The following FBXL13 variants were observed in gnomAD, a reference collection of about 807,000 sequenced individuals.
FBXL13 encodes the protein F-box and leucine rich repeat protein 13, also known as F-box and leucine-rich repeat protein 13.
A neutral mutation model predicts 83.6 loss-of-function variants in FBXL13; 67 were observed. The observed-to-expected ratio is 0.80, with a 90% CI of 0.66 to 0.98. FBXL13 has a LOEUF of 0.98. Ranked by LOEUF, FBXL13 falls within the 50% of genes least tolerant of loss-of-function variation. The probability of loss-of-function intolerance (pLI) is 0.00; values close to 1 mark genes in which losing one functional copy is unlikely to be tolerated. For synonymous variants in FBXL13, 272 were observed against 299.5 expected (o/e 0.91, Z 0.95); for missense variants, 822 against 866.5 (o/e 0.95, Z 0.64).
chr7:102,931,206 C>A (rs949507417), intron 9 of FBXL13, among the ~76,000 whole-genome samples: 1 of 152,088 alleles, frequency 6.6e-6, no homozygotes, highest in East Asian at 1.9e-4. Flanking sequence ...TTGGAGCATG[C>A]AGGAAAAGGA....
In FBXL13 at chr7:102,834,067, AGG is replaced by A. The variant is rs1584505503; in HGVS notation, c.1720-1095_1720-1094del. On this transcript the variant is annotated intron_variant, in intron 17 of 19. Transcript: ENST00000313221. ...AAGGAAGGAAGGAAGGAAGGAAGGA[AGG>A]AAGGAAGGAAGGAAAGAAAAGAAAG... is the stretch of plus-strand genomic sequence containing the variant. Among the ~76,000 whole-genome samples the A allele has an allele frequency of 7.1e-4, 85 of 119,336 alleles. No homozygotes were observed. In the East Asian group the frequency reaches 0.012, roughly 16 times the overall value. The allele number at this position is 119,336 out of a possible 152,430, so 78.3% of individuals were successfully genotyped here.
chr7:102,872,650 C>G (rs1297280896), intron 16 of FBXL13, among the ~76,000 whole-genome samples: 1 of 152,146 alleles, frequency 6.6e-6, no homozygotes, highest in East Asian at 1.9e-4. Flanking sequence ...AATTAACTAG[C>G]AGGAAATATT....
Position 102,913,119 on chromosome 7 carries a change from CT to C in FBXL13, c.974del (p.Lys325SerfsTer39), listed in dbSNP as rs1367583649. On this transcript the variant is annotated frameshift_variant, in exon 11 of 20. Transcript: ENST00000313221. LOFTEE classifies it high-confidence loss of function. ...AGCCAGAGAGGTCCAGATAGATGAG[CT>C]TGTGGCATCCATTCCCCAAGTTCAG... 1 of 1,614,070 alleles carries C rather than the reference CT, an allele frequency of 6.2e-7. No individual in the cohort carries two copies. The highest frequency in any genetic ancestry group is 8.5e-7 in the Non-Finnish European group (1 of 1,180,040).
chr7:102,944,086 G>T (rs1821984060), intron 8 of FBXL13: 4 of 751,302 alleles, frequency 5.3e-6, no homozygotes, highest in Non-Finnish European at 8.2e-6. Context: ...GAAAGGAAAA[G>T]AAATCTCTTT....
chr7:102,935,741 A>G (rs555625048), intron 8 of FBXL13, among the ~76,000 whole-genome samples: 1 of 152,286 alleles, frequency 6.6e-6, no homozygotes, highest in African/African-American at 2.4e-5. Flanking sequence ...AACAATGTCT[A>G]TATGTTTCAT....
rs376587492 is a variant in FBXL13, at chr7:102,819,534, T to C, written c.2018+2506A>G. Among the ~76,000 whole-genome samples the C allele has an allele frequency of 6.2e-4, 95 of 152,284 alleles. 2 individuals are homozygous for C. The highest frequency in any genetic ancestry group is 2.2e-4 in the Non-Finnish European group (15 of 68,006). Reference sequence around the variant, plus strand: ...GCTGGTGCAGTAGTTTCAGATTCCATTGAGTATGAGTGAATTTATGTATAA... The same window carrying C: ...GCTGGTGCAGTAGTTTCAGATTCCACTGAGTATGAGTGAATTTATGTATAA... On this transcript the variant is annotated intron_variant, in intron 19 of 19. Transcript: ENST00000313221.
At chr7:103,016,320 G>A (rs540162228) in intron 6 of FBXL13, among the ~76,000 whole-genome samples, 1 of 150,416 alleles carries the variant, frequency 6.6e-6, no homozygotes, top group Non-Finnish European at 1.5e-5. Context: ...AGAAATGTGG[G>A]GGGGGTGGGG....
At chr7:102,907,041 T>C (rs551058361) in intron 11 of FBXL13, among the ~76,000 whole-genome samples, 7 of 152,174 alleles carry the variant, frequency 4.6e-5, no homozygotes, top group South Asian at 2.1e-4. Context: ...GGCACAAACT[T>C]GGCTCACTGC....
chr7:103,053,161 G>GT (rs1797001009), intron 2 of FBXL13, among the ~76,000 whole-genome samples: 1 of 151,316 alleles, frequency 6.6e-6, no homozygotes. Flanking sequence ...GTTTTGTTTT[G>GT]TTTTTTGAGA....
chr7:102,946,403 C>A (rs767979541), intron 8 of FBXL13, among the ~76,000 whole-genome samples: 1 of 152,206 alleles, frequency 6.6e-6, no homozygotes, highest in Non-Finnish European at 1.5e-5. Context: ...TGCAGAGCTG[C>A]ACAGCATTGT....
chr7:102,904,107 G>C (rs1411439641), intron 11 of FBXL13, among the ~76,000 whole-genome samples: 2 of 151,840 alleles, frequency 1.3e-5, no homozygotes, highest in African/African-American at 2.4e-5. Context: ...GAATTCAGCA[G>C]TGAAACCATC....
chr7:102,859,627 A>G (rs1370785009), intron 16 of FBXL13, among the ~76,000 whole-genome samples: 1 of 151,954 alleles, frequency 6.6e-6, no homozygotes, highest in Non-Finnish European at 1.5e-5. Flanking sequence ...CAGGCCAAAA[A>G]TGAGGAGGCA....
intron 6 of FBXL13, among the ~76,000 whole-genome samples, chr7:103,021,066 T>G (rs1327307873): frequency 1.3e-5 from 2 of 152,166 alleles, no homozygotes; most frequent in African/African-American, 2.4e-5. Flanking sequence ...GGCATCATGC[T>G]ACCTGACTTC....
intron 11 of FBXL13, among the ~76,000 whole-genome samples, chr7:102,897,713 A>G (rs1266532006): frequency 1.3e-5 from 2 of 152,212 alleles, no homozygotes; most frequent in Non-Finnish European, 2.9e-5. Context: ...GAGGAAACAC[A>G]GTATTTTTAA....
At chr7:103,034,724 C>T (rs1027929040) in intron 2 of FBXL13, among the ~76,000 whole-genome samples, 1 of 152,246 alleles carries the variant, frequency 6.6e-6, no homozygotes, top group Non-Finnish European at 1.5e-5. Flanking sequence ...GCGCCGAGAG[C>T]GAACGAGGGC....
intron 16 of FBXL13, among the ~76,000 whole-genome samples, chr7:102,856,735 G>C (rs1444275534): frequency 6.6e-6 from 1 of 152,058 alleles, no homozygotes; most frequent in Non-Finnish European, 1.5e-5. Flanking sequence ...TTAAAATACA[G>C]ATAATAAAAT....
intron 14 of FBXL13, among the ~76,000 whole-genome samples, chr7:102,883,014 C>T (rs1389225674): frequency 4.6e-5 from 7 of 151,926 alleles, no homozygotes; most frequent in Non-Finnish European, 8.8e-5. Flanking sequence ...ACTGAACTAG[C>T]TATGGAAACC....
At chr7:102,939,592 T>C (rs1447788406) in intron 8 of FBXL13, 1 of 1,612,068 alleles carries the variant, frequency 6.2e-7, no homozygotes, top group East Asian at 2.2e-5. Context: ...CCTGGTAAGT[T>C]CCCCTGTATA....
intron 17 of FBXL13, among the ~76,000 whole-genome samples, chr7:102,851,223 GAATCTTTTGACCTGGA>G (rs1035761234): frequency 6.6e-6 from 1 of 152,128 alleles, no homozygotes; most frequent in African/African-American, 2.4e-5. Context: ...GAGGTCTAGA[GAATCTTTTGACCTGGA>G]ATCCTCTACA....
Sources: gnomAD v4.1 joint callset for allele counts (sites outside exome capture counted in the v4.1 genomes callset) on GRCh38, gnomAD v4.1.1 for gene constraint, MANE v1.5 for transcripts, NCBI Gene and HGNC (gene_info 2026-07-23, HGNC 2026-07-21) for gene names.